Variants in OPHN1 observed in about 807,000 individuals in gnomAD.
OPHN1 encodes the protein oligophrenin 1.
A neutral mutation model predicts 60.7 loss-of-function variants in OPHN1; 11 were observed. That is an observed-to-expected ratio of 0.18 (90% CI 0.11 to 0.30). The LOEUF is 0.30. Ranked by LOEUF, OPHN1 falls within the 10% of genes least tolerant of loss-of-function variation. The probability of loss-of-function intolerance (pLI) is 1.00; values close to 1 mark genes in which losing one functional copy is unlikely to be tolerated. For synonymous variants in OPHN1, 226 were observed against 222.6 expected, an observed-to-expected ratio of 1.02 and a Z score of -0.14; for missense variants, 449 against 611.0, an observed-to-expected ratio of 0.73 and a Z score of 2.80.
intron 15 of OPHN1, among the ~76,000 whole-genome samples, chrX:68,127,120 A>G (rs962249500): frequency 9.0e-6 from 1 of 111,397 alleles, no homozygotes; most frequent in African/African-American, 3.3e-5. Context: ...AGGAGGGAAG[A>G]TGAAGAAGAA....
intron 2 of OPHN1, among the ~76,000 whole-genome samples, chrX:68,330,951 G>GCA (rs1457213142): frequency 1.9e-5 from 2 of 104,147 alleles, no homozygotes; most frequent in Admixed American, 2.2e-4. Context: ...TATTTGGCAT[G>GCA]CATTCTTCTT....
At chrX:68,290,074 C>A (rs2078063449) in intron 3 of OPHN1, among the ~76,000 whole-genome samples, 1 of 110,730 alleles carries the variant, frequency 9.0e-6, no homozygotes, top group African/African-American at 3.3e-5. Flanking sequence ...AGCTCTCAGG[C>A]TTAACTATTT....
chrX:68,087,476 C>A (rs978562190), intron 19 of OPHN1, among the ~76,000 whole-genome samples: 1 of 111,413 alleles, frequency 9.0e-6, no homozygotes, highest in East Asian at 2.8e-4. Flanking sequence ...AGTTTGGTCA[C>A]ATATTAACCC....
chrX:68,264,947 G>T (rs1282351593), intron 5 of OPHN1, among the ~76,000 whole-genome samples: 1 of 112,444 alleles, frequency 8.9e-6, no homozygotes, highest in East Asian at 2.8e-4. Context: ...AGCAGTCTGA[G>T]ATCAAACTGC....
chrX:68,317,366 A>AGAAT (rs1425613453), intron 2 of OPHN1, among the ~76,000 whole-genome samples: 1 of 72,832 alleles, frequency 1.4e-5, no homozygotes, highest in Admixed American at 1.5e-4. Flanking sequence ...AAAGAAAGAA[A>AGAAT]GAAAGAAAGA....
intron 3 of OPHN1, among the ~76,000 whole-genome samples, chrX:68,294,052 A>G (rs66496680): frequency 0.21 from 23,100 of 110,944 alleles, 2,200 homozygotes; most frequent in African/African-American, 0.37. Context: ...ACCTCCTTTA[A>G]TAGACTATGA....
At chrX:68,264,398 A>G (rs1219939054) in intron 5 of OPHN1, among the ~76,000 whole-genome samples, 2 of 111,902 alleles carry the variant, frequency 1.8e-5, no homozygotes, top group Non-Finnish European at 3.8e-5. Context: ...AAGAACTCAA[A>G]CAAATTTACA....
At chrX:68,074,553 C>T (rs1029910456) in intron 19 of OPHN1, among the ~76,000 whole-genome samples, 1 of 111,524 alleles carries the variant, frequency 9.0e-6, no homozygotes, top group South Asian at 3.8e-4. Flanking sequence ...TCCACCCAGA[C>T]TGATCTTCCT....
At chrX:68,406,010 T>A (rs1157666526) in intron 2 of OPHN1, among the ~76,000 whole-genome samples, 2 of 107,837 alleles carry the variant, frequency 1.9e-5, no homozygotes, top group African/African-American at 6.8e-5. Context: ...CCAGGCGTGG[T>A]GGCACATGCC....
chrX:68,192,875 A>C, intron 15 of OPHN1, 44 bp downstream of exon 15: 2 of 988,259 alleles, frequency 2.0e-6, no homozygotes, highest in Non-Finnish European at 2.9e-6. Flanking sequence ...TCTTTGTAAC[A>C]CATAAAGTAC....
rs760439587 is a variant in OPHN1 at position 68,395,447 on chromosome X, T to C, written c.154+37420A>G. Among the ~76,000 whole-genome samples the C allele has an allele frequency of 1.2e-3, 128 of 105,396 alleles. 1 individual carries two copies. Among genetic ancestry groups the C allele is most frequent in the Non-Finnish European group, 2.0e-3 (102 of 51,531 alleles). The allele number at this position is 105,396 out of a possible 115,157, so 91.5% of individuals were successfully genotyped here. On this transcript the variant is annotated intron_variant, in intron 2 of 24. Transcript: ENST00000355520. ...CCATGCCCAGCTAATTTTCTCTCTC[T>C]CTTTTTTTTTTTTTCTGGAGATGGA...
intron 5 of OPHN1, among the ~76,000 whole-genome samples, chrX:68,249,298 CTTATT>C (rs1254739050): frequency 8.9e-6 from 1 of 111,805 alleles, no homozygotes; most frequent in Non-Finnish European, 1.9e-5. Flanking sequence ...CTTTTGAGAA[CTTATT>C]TTATTCTTTT....
At chrX:68,350,462 T>C (rs747387650) in intron 2 of OPHN1, among the ~76,000 whole-genome samples, 56 of 69,335 alleles carry the variant, frequency 8.1e-4, no homozygotes, top group Non-Finnish European at 1.2e-3. Flanking sequence ...CTCCCTTCCT[T>C]CCTTCCTTCC....
At chrX:68,222,209 C>T (rs1363074734) in intron 6 of OPHN1, among the ~76,000 whole-genome samples, 1 of 108,731 alleles carries the variant, frequency 9.2e-6, no homozygotes, top group Non-Finnish European at 1.9e-5. Context: ...CAGAGAAATG[C>T]AAATCAAAAC....
chrX:68,183,371 A>C (rs2077447229), intron 15 of OPHN1, among the ~76,000 whole-genome samples: 1 of 112,191 alleles, frequency 8.9e-6, no homozygotes, highest in Non-Finnish European at 1.9e-5. Context: ...AAAATTAAGA[A>C]GCAGCAGGTA....
At chrX:68,170,346 A>G (rs1396166850) in intron 15 of OPHN1, among the ~76,000 whole-genome samples, 1 of 106,369 alleles carries the variant, frequency 9.4e-6, no homozygotes, top group Non-Finnish European at 1.9e-5. Context: ...ACTGTAAACT[A>G]GTTCAACCCT....
At chrX:68,192,272 G>A (rs1427847248) in intron 15 of OPHN1, among the ~76,000 whole-genome samples, 2 of 110,992 alleles carry the variant, frequency 1.8e-5, no homozygotes, top group Admixed American at 9.6e-5. Context: ...GCAAAGGCAA[G>A]AGGATGATTG....
intron 2 of OPHN1, among the ~76,000 whole-genome samples, chrX:68,312,833 C>T (rs774546355): frequency 1.8e-5 from 2 of 111,395 alleles, no homozygotes; most frequent in East Asian, 2.8e-4. Flanking sequence ...GGACCGAGCA[C>T]GGTGGCTCAT....
chrX:68,147,811 G>A lies in OPHN1; in HGVS notation c.1277-28479C>T, dbSNP rs1006936009. 1.3e-4 allele frequency among the ~76,000 whole-genome samples: 14 copies of A among 111,528 alleles called. No homozygotes were observed. In the East Asian group the frequency reaches 3.1e-3, roughly 25 times the overall value. ...GGATAGTCAATGCCTTAAAAGAATC[G>A]TTTTAACATCAATTTGATTAAGCTT... On this transcript the variant is annotated intron_variant, in intron 15 of 24. Transcript: ENST00000355520.
Sources: gnomAD v4.1 joint callset for allele counts (sites outside exome capture counted in the v4.1 genomes callset) on GRCh38, gnomAD v4.1.1 for gene constraint, MANE v1.5 for transcripts, NCBI Gene and HGNC (gene_info 2026-07-23, HGNC 2026-07-21) for gene names.